The following ZKSCAN1 variants were observed in gnomAD, a reference collection of about 807,000 sequenced individuals.
The protein encoded by ZKSCAN1 is zinc finger with KRAB and SCAN domains 1.
ZKSCAN1 carries 14 observed loss-of-function variants against 51.6 expected under a neutral mutation model. That is an observed-to-expected ratio of 0.27 (90% confidence interval 0.18 to 0.42). The LOEUF (loss-of-function observed/expected upper bound fraction) is 0.42, where lower values mean the gene tolerates loss of function less well. Ranked by LOEUF, ZKSCAN1 falls within the 10% of genes least tolerant of loss-of-function variation. The pLI, the probability that ZKSCAN1 is intolerant of heterozygous loss-of-function variation, is 1.00. For missense variants in ZKSCAN1, 531 were observed against 710.0 expected (o/e 0.75, Z 2.86); for synonymous variants, 263 against 261.5 (o/e 1.01, Z -0.06).
At chr7:100,017,736 T>C (rs886941471) in intron 1 of ZKSCAN1, among the ~76,000 whole-genome samples, 3 of 152,202 alleles carry the variant, frequency 2.0e-5, no homozygotes, top group African/African-American at 7.2e-5. Context: ...AGAGGTAGTT[T>C]CCTACTATCT....
Position 100,037,757 on chromosome 7 carries a change from C to G in ZKSCAN1, c.*3560C>G. On this transcript the variant is annotated 3_prime_UTR_variant, in exon 6 of 6. Transcript: ENST00000324306. Reference sequence around the variant, plus strand: ...TCTTGGCCGGGCGCCGTGGCTCACGCCTGTAATCGCAGCACTTTGGGAGGC... The same window carrying G: ...TCTTGGCCGGGCGCCGTGGCTCACGGCTGTAATCGCAGCACTTTGGGAGGC... 1 of 981,758 alleles carries G rather than the reference C, an allele frequency of 1.0e-6. No individual in the cohort carries two copies. Among genetic ancestry groups the G allele is most frequent in the Non-Finnish European group, 1.2e-6 (1 of 826,638 alleles). The allele number at this position is 981,758 out of a possible 1,614,324, so 60.8% of individuals were successfully genotyped here.
chr7:100,030,387 G>A lies in ZKSCAN1; in HGVS notation c.799+12G>A, dbSNP rs1481542973. 1 of 1,611,154 alleles carries A rather than the reference G, an allele frequency of 6.2e-7. No individual in the cohort carries two copies. The highest frequency in any genetic ancestry group is 2.2e-5 in the East Asian group (1 of 44,830). On this transcript the variant is annotated intron_variant, in intron 5 of 5. Coordinates refer to ENST00000324306, the MANE Select transcript of ZKSCAN1 (RefSeq NM_003439.4). ...CGCATTTCCCCAGGGTAAGACGGAT[G>A]CAGGCTTACTGTCTGATAAGATGGT...
At chr7:100,017,624 TTC>T (rs1205066443) in intron 1 of ZKSCAN1, among the ~76,000 whole-genome samples, 1 of 152,228 alleles carries the variant, frequency 6.6e-6, no homozygotes, top group African/African-American at 2.4e-5. Flanking sequence ...AGAAAATCAT[TTC>T]TGTTTATCCT....
downstream of ZKSCAN1, among the ~76,000 whole-genome samples, chr7:100,044,263 C>G (rs1476907622): frequency 6.6e-6 from 1 of 152,188 alleles, no homozygotes; most frequent in East Asian, 1.9e-4. Flanking sequence ...CTTGCCCATG[C>G]TGTGTTCAGA....
chr7:100,036,343 G>A lies in ZKSCAN1; in HGVS notation c.*2146G>A. The A allele has an allele frequency of 1.0e-6, 1 of 985,408 alleles. No individual in the cohort carries two copies. Among genetic ancestry groups the A allele is most frequent in the Non-Finnish European group, 1.2e-6 (1 of 829,934 alleles). The allele number at this position is 985,408 out of a possible 1,614,324, so 61.0% of individuals were successfully genotyped here. On this transcript the variant is annotated 3_prime_UTR_variant, in exon 6 of 6. Transcript: ENST00000324306. The stretch of plus-strand genomic sequence containing the variant: ...AAAATGGAGGCAGAAAATGTTTTAA[G>A]GATTTTCTTCAAAGAATAAGCCACA...
At position 100,034,137 on chromosome 7, in the gene ZKSCAN1, C is replaced by T. The variant is rs768074672; in HGVS notation, c.1632C>T (p.Ala544=). 2.5e-6 allele frequency: 4 copies of T among 1,584,348 alleles called. No individual in the cohort carries two copies. In the South Asian group the frequency reaches 3.4e-5, roughly 14 times the overall value. ...LHHRIHARER[A]SEYSPASLDA... ...ACAGAATCCATGCCAGAGAGAGAGC[C>T]TCTGAGTACAGCCCAGCCTCCCTTG... The change falls in exon 6 of 6, where the codon GCC becomes GCT. Residue 544 remains alanine, a synonymous_variant. Coordinates refer to ENST00000324306, the MANE Select transcript of ZKSCAN1 (RefSeq NM_003439.4).
chr7:100,016,134 TC>T (rs11391138), intron 1 of ZKSCAN1, among the ~76,000 whole-genome samples: 37 of 151,036 alleles, frequency 2.4e-4, no homozygotes, highest in Non-Finnish European at 2.1e-4. Context: ...GGTGTCTTTT[TC>T]CCCCCCCGGT....
downstream of ZKSCAN1, chr7:100,041,731 C>G: frequency 1.0e-6 from 1 of 985,258 alleles, no homozygotes; most frequent in Non-Finnish European, 1.2e-6. Flanking sequence ...TTTTTCTCAT[C>G]CTTGGTTGCA....
rs373709542 is a variant in ZKSCAN1 at position 100,038,144 on chromosome 7, G to C, written c.*3947G>C. The C allele has an allele frequency of 6.1e-6, 6 of 985,180 alleles. No homozygotes were observed. The East Asian group carries it at 4.5e-4, about 74-fold the overall frequency. The allele number at this position is 985,180 out of a possible 1,614,324, so 61.0% of individuals were successfully genotyped here. ...GCAACTTCTTACAAAAATTGTTAACGTTAGGTACTTCTATATATTTTATAT... is the reference window on the plus strand; with the variant it reads ...GCAACTTCTTACAAAAATTGTTAACCTTAGGTACTTCTATATATTTTATAT... On this transcript the variant is annotated 3_prime_UTR_variant, in exon 6 of 6. Transcript: ENST00000324306.
At position 100,034,330 on chromosome 7, in the gene ZKSCAN1, A is replaced by G. The variant is rs1791255433; in HGVS notation, c.*133A>G. The stretch of plus-strand genomic sequence containing the variant: ...AAAAGTCACACTTAAGGATCCTTCT[A>G]GTCACATCAGCAGTGTTCTGCCTTT... On this transcript the variant is annotated 3_prime_UTR_variant, in exon 6 of 6. Coordinates refer to ENST00000324306, the MANE Select transcript of ZKSCAN1 (RefSeq NM_003439.4). 7 of 1,462,644 alleles carry G rather than the reference A, an allele frequency of 4.8e-6. No individual in the cohort carries two copies. Among genetic ancestry groups the G allele is most frequent in the South Asian group, 3.0e-5 (2 of 66,478 alleles). 90.6% of individuals were successfully genotyped at this position (1,462,644 alleles called of 1,614,324 possible).
rs1424889960 is a variant in ZKSCAN1, at chr7:100,036,844, T to TC, written c.*2648dup. 2 of 984,856 alleles carry TC rather than the reference T, an allele frequency of 2.0e-6. No homozygotes were observed. The highest frequency in any genetic ancestry group is 1.8e-5 in the African/African-American group (1 of 57,126). The allele number at this position is 984,856 out of a possible 1,614,324, so 61.0% of individuals were successfully genotyped here. ...TACATTGGCCTTTGGTTTTTTTTTT[T>TC]CTTTCAGCCACAACTATATGCTGAT... On this transcript the variant is annotated 3_prime_UTR_variant, in exon 6 of 6. Coordinates refer to ENST00000324306, the MANE Select transcript of ZKSCAN1 (RefSeq NM_003439.4).
chr7:100,030,086 CATCT>C, intron 4 of ZKSCAN1, 134 bp downstream of exon 4: 1 of 1,381,840 alleles, frequency 7.2e-7, no homozygotes, highest in Non-Finnish European at 1.0e-6. Flanking sequence ...CTCCTTTTAG[CATCT>C]TTCTACCACA....
rs552594982 is a variant in ZKSCAN1 at position 100,023,302 on chromosome 7, C to T, written c.-88-117C>T. 1,300 of 540,400 alleles carry T rather than the reference C, an allele frequency of 2.4e-3. 2 individuals carry two copies. Among genetic ancestry groups the T allele is most frequent in the Non-Finnish European group, 3.5e-3 (1,126 of 318,540 alleles). The allele number at this position is 540,400 out of a possible 1,614,324, so 33.5% of individuals were successfully genotyped here. On this transcript the variant is annotated intron_variant, in intron 1 of 5. Transcript: ENST00000324306. ...CTGAGATTACAGGCGTGAGCCACCA[C>T]CCCCGGCCTCAGGAGCGTTCTGATA...
In ZKSCAN1 at chr7:100,016,640, G is replaced by T. The variant is rs567318547; in HGVS notation, c.-89+914G>T. Among the ~76,000 whole-genome samples, 19 of 152,264 alleles carry T rather than the reference G, an allele frequency of 1.2e-4. No homozygotes were observed. In the East Asian group the frequency reaches 3.5e-3, roughly 28 times the overall value. On this transcript the variant is annotated intron_variant, in intron 1 of 5. Transcript: ENST00000324306. The stretch of plus-strand genomic sequence containing the variant: ...TGAAGAATTAACTACAGTTTAGCTT[G>T]ACACTCCTCCATCCCTCCCCTCCCT...
intron 1 of ZKSCAN1, among the ~76,000 whole-genome samples, chr7:100,018,666 C>T (rs1271271414): frequency 2.0e-5 from 3 of 152,180 alleles, no homozygotes; most frequent in African/African-American, 4.8e-5. Context: ...GGATTACAGG[C>T]ATGAGCCACT....
At chr7:100,021,546 C>T (rs1036454851) in intron 1 of ZKSCAN1, among the ~76,000 whole-genome samples, 2 of 152,144 alleles carry the variant, frequency 1.3e-5, no homozygotes, top group African/African-American at 2.4e-5. Flanking sequence ...ATTGCCCTTT[C>T]TTCACACTTT....
At position 100,040,022 on chromosome 7, in the gene ZKSCAN1, G is replaced by T. The variant is rs1018202238; in HGVS notation, c.*5825G>T. 2.3e-6 allele frequency: 2 copies of T among 874,190 alleles called. No homozygotes were observed. Among genetic ancestry groups the T allele is most frequent in the African/African-American group, 3.7e-5 (2 of 54,672 alleles). The allele number at this position is 874,190 out of a possible 1,614,324, so 54.2% of individuals were successfully genotyped here. A position where few individuals can be genotyped will look rare whatever the true frequency, so the allele number is the denominator to read the frequency against. On this transcript the variant is annotated 3_prime_UTR_variant, in exon 6 of 6. Transcript: ENST00000324306. ...TAGAGTGGACACACTACATTTAAAA[G>T]CAATTATTTTGCTATTCAGATTTTT...
downstream of ZKSCAN1, chr7:100,041,825 A>G (rs900790025): frequency 5.9e-6 from 5 of 841,568 alleles, no homozygotes; most frequent in African/African-American, 5.5e-5. Flanking sequence ...ATTCTCATGC[A>G]AAACTATCTG....
At chr7:100,016,502 G>A (rs1699318682) in intron 1 of ZKSCAN1, among the ~76,000 whole-genome samples, 1 of 152,268 alleles carries the variant, frequency 6.6e-6, no homozygotes, top group East Asian at 1.9e-4. Context: ...GATTAGCTGA[G>A]TGACCTTGGA....
Sources: gnomAD v4.1 joint callset for allele counts (sites outside exome capture counted in the v4.1 genomes callset) on GRCh38, gnomAD v4.1.1 for gene constraint, MANE v1.5 for transcripts, NCBI Gene and HGNC (gene_info 2026-07-23, HGNC 2026-07-21) for gene names.